Variants in UNC79 observed in about 807,000 individuals in gnomAD.
UNC79 encodes unc-79 subunit of NALCN channel complex.
UNC79 carries 37 observed loss-of-function variants against 283.1 expected under a neutral mutation model. The observed-to-expected ratio is 0.13, with a 90% CI of 0.10 to 0.17. The LOEUF is 0.17. Ranked by LOEUF, UNC79 falls within the 10% of genes least tolerant of loss-of-function variation. The pLI, the probability that UNC79 is intolerant of heterozygous loss-of-function variation, is 1.00. For synonymous variants in UNC79, 1,107 were observed against 1,200.2 expected, an observed-to-expected ratio of 0.92 and a Z score of 1.61; for missense variants, 2,272 against 3,211.1, an observed-to-expected ratio of 0.71 and a Z score of 7.07.
intron 25 of UNC79, among the ~76,000 whole-genome samples, chr14:93,602,984 G>A (rs770954868): frequency 6.6e-6 from 1 of 152,062 alleles, no homozygotes; most frequent in Non-Finnish European, 1.5e-5. Flanking sequence ...CTGAATAGGT[G>A]GAGAAAAGAC....
At chr14:93,618,270 T>A in exon 29 of UNC79, 1 of 1,614,104 alleles carries the variant, frequency 6.2e-7, no homozygotes, top group Non-Finnish European at 8.5e-7. Flanking sequence ...CAATGCGCAG[T>A]ATCATAGCTG....
upstream of UNC79, among the ~76,000 whole-genome samples, chr14:93,429,325 G>T (rs1566929164): frequency 6.6e-6 from 1 of 152,198 alleles, no homozygotes; most frequent in East Asian, 1.9e-4. Flanking sequence ...AATGAACAAT[G>T]ACATGGAATG....
chr14:93,431,083 G>A (rs1235137240), intron 1 of UNC79, 32 bp downstream of exon 1: 3 of 700,220 alleles, frequency 4.3e-6, no homozygotes, highest in Admixed American at 4.0e-5. Context: ...ATTCCGGCCC[G>A]GCCTCGGCTG....
chr14:93,334,694 A>G (rs1382266724), intron 1 of UNC79: 1 of 152,244 alleles, frequency 6.6e-6, no homozygotes, highest in African/African-American at 2.4e-5. Flanking sequence ...GGATCGATCA[A>G]TGCAACCTGG....
chr14:93,621,484 G>A lies in UNC79; in HGVS notation c.4388-137G>A, dbSNP rs1162066062. The A allele has an allele frequency of 2.7e-6, 3 of 1,125,504 alleles. No individual in the cohort carries two copies. Among genetic ancestry groups the A allele is most frequent in the Non-Finnish European group, 3.6e-6 (3 of 837,780 alleles). 69.7% of individuals were successfully genotyped at this position (1,125,504 alleles called of 1,614,324 possible). On this transcript the variant is annotated intron_variant, in intron 29 of 48. Coordinates refer to ENST00000555664, the Ensembl canonical transcript of UNC79. The surrounding 1 kb of genome is among the most constrained non-coding windows in gnomAD (Gnocchi z 4.8). ...ATTAGAACGAACCTTACAAAAACTT[G>A]GCCAGAAAGTTCGTTTTCCCTCCTG... is the stretch of plus-strand genomic sequence containing the variant.
chr14:93,526,937 C>T (rs1486987264), intron 8 of UNC79, among the ~76,000 whole-genome samples: 1 of 152,152 alleles, frequency 6.6e-6, no homozygotes, highest in Admixed American at 6.5e-5. Flanking sequence ...ATTGATTAAT[C>T]CTCACCAAAA....
At chr14:93,618,070 C>T in intron 28 of UNC79, 122 bp from the exon 30 acceptor site, 2 of 1,041,062 alleles carry the variant, frequency 1.9e-6, no homozygotes, top group Non-Finnish European at 2.7e-6. Flanking sequence ...CTACTTCTCT[C>T]TCTCTCTCAT....
chr14:93,497,173 T>C, exon 7 of UNC79: 1 of 1,611,084 alleles, frequency 6.2e-7, no homozygotes, highest in Non-Finnish European at 8.5e-7. Flanking sequence ...TTGTATGTGA[T>C]TGCGTATGGG....
At chr14:93,426,952 G>C (rs1291978213), upstream of UNC79, among the ~76,000 whole-genome samples, 1 of 152,110 alleles carries the variant, frequency 6.6e-6, no homozygotes, top group African/African-American at 2.4e-5. Flanking sequence ...TGTGATTTTA[G>C]TGTTGTGGAG....
At chr14:93,666,977 A>G (rs2072271908) in intron 40 of UNC79, among the ~76,000 whole-genome samples, 1 of 152,076 alleles carries the variant, frequency 6.6e-6, no homozygotes, top group East Asian at 1.9e-4. Flanking sequence ...GATAGCATGC[A>G]CCTGTAGTCC....
At position 93,621,627 on chromosome 14, in the gene UNC79, T is replaced by C. The variant is rs2067144432; in HGVS notation, c.4394T>C (p.Ile1465Thr). ...CTTTTTCTGTTTTGATCAGGTGAAA[T>C]AGAACTGGCTGAATATAGAGAGACG... The change falls in exon 30 of 49, where the codon ATA becomes ACA. Residue 1465 changes from isoleucine (I) to threonine (T), a missense_variant. Around this residue, in one of 11 missense-constraint regions of UNC79, gnomAD observed 580 missense variants for 632.2 expected, o/e 0.92. Transcript: ENST00000555664. This position sits in a 1 kb window ranked among gnomAD's most constrained non-coding sequence, Gnocchi z 4.8. 6.4e-7 allele frequency: 1 copy of C among 1,551,758 alleles called. No individual in the cohort carries two copies. Among genetic ancestry groups the C allele is most frequent in the Non-Finnish European group, 8.7e-7 (1 of 1,153,332 alleles).
chr14:93,660,090 C>CT (rs1481172216), intron 39 of UNC79, among the ~76,000 whole-genome samples: 1 of 152,186 alleles, frequency 6.6e-6, no homozygotes, highest in Non-Finnish European at 1.5e-5. Context: ...AGCTGTATTT[C>CT]TGCACTGCAT....
intron 1 of UNC79, among the ~76,000 whole-genome samples, chr14:93,348,680 ATCTTC>A (rs910072161): frequency 4.6e-5 from 7 of 152,206 alleles, no homozygotes; most frequent in African/African-American, 1.7e-4. Context: ...TGATTTTATT[ATCTTC>A]TCTTAGTCTT....
At chr14:93,434,268 G>A (rs753153547) in intron 1 of UNC79, among the ~76,000 whole-genome samples, 44 of 152,032 alleles carry the variant, frequency 2.9e-4, no homozygotes, top group Non-Finnish European at 5.6e-4. Flanking sequence ...CTAGTTTTTG[G>A]AGCCTTTAAA....
chr14:93,458,778 T>C (rs2056863132), intron 1 of UNC79, among the ~76,000 whole-genome samples: 1 of 152,224 alleles, frequency 6.6e-6, no homozygotes, highest in Admixed American at 6.5e-5. Context: ...ATCTGCTATG[T>C]ACCTAGCATT....
intron 4 of UNC79, among the ~76,000 whole-genome samples, chr14:93,479,848 G>A (rs2058033185): frequency 6.6e-6 from 1 of 152,126 alleles, no homozygotes; most frequent in African/African-American, 2.4e-5. Flanking sequence ...TTCCCAGGCT[G>A]ATCTGGAATT....
At position 93,474,447 on chromosome 14, in the gene UNC79, AT is replaced by A. The variant is rs1401970608; in HGVS notation, c.448+55del. ...TGTACGTGGATGCTTATGAATGTAT[AT>A]GATGCTGAGCAAGGGGCTTGGAGAT... is the stretch of plus-strand genomic sequence containing the variant. On this transcript the variant is annotated intron_variant, in intron 3 of 48. Transcript: ENST00000555664. This position sits in a 1 kb window ranked among gnomAD's most constrained non-coding sequence, Gnocchi z 4.1. 4 of 1,498,842 alleles carry A rather than the reference AT, an allele frequency of 2.7e-6. No homozygotes were observed. In the East Asian group the frequency reaches 9.9e-5, roughly 37 times the overall value. The allele number at this position is 1,498,842 out of a possible 1,614,324, so 92.8% of individuals were successfully genotyped here.
At chr14:93,585,835 G>A (rs77952910) in intron 20 of UNC79, among the ~76,000 whole-genome samples, 2,203 of 151,312 alleles carry the variant, frequency 0.015, 54 homozygotes, top group African/African-American at 0.051. Context: ...GAATCCATGG[G>A]ATAAACCTCT....
chr14:93,398,887 T>C (rs1464653789), intron 1 of UNC79, among the ~76,000 whole-genome samples: 1 of 152,096 alleles, frequency 6.6e-6, no homozygotes, highest in Admixed American at 6.5e-5. Flanking sequence ...TGAAATGGAA[T>C]GGTGTGTGTT....
Sources: gnomAD v4.1 joint callset for allele counts (sites outside exome capture counted in the v4.1 genomes callset) on GRCh38, gnomAD v4.1.1 for gene constraint, gnomAD v4.1.1 regional missense constraint, Gnocchi (gnomAD v3.1) non-coding constraint, MANE v1.5 for transcripts, NCBI Gene and HGNC (gene_info 2026-07-23, HGNC 2026-07-21) for gene names.